Variants in ZZEF1 observed in about 807,000 individuals in gnomAD.
ZZEF1 encodes zinc finger ZZ-type and EF-hand domain-containing protein 1.
In ZZEF1, 157 loss-of-function variants were observed where a neutral mutation model predicts 342.8. The ratio of observed to expected loss-of-function variants is 0.46; its 90% CI spans 0.40 to 0.52. The LOEUF is 0.52. ZZEF1 is among the 20% of genes least tolerant of loss of function. The pLI is 0.00. For synonymous variants in ZZEF1, 1,505 were observed against 1,429.1 expected, an observed-to-expected ratio of 1.05 and a Z score of -1.20; for missense variants, 3,480 against 3,725.6, an observed-to-expected ratio of 0.93 and a Z score of 1.72.
At chr17:4,012,699 A>T (rs1165795577) in intron 52 of ZZEF1, among the ~76,000 whole-genome samples, 1 of 152,266 alleles carries the variant, frequency 6.6e-6, no homozygotes, top group African/African-American at 2.4e-5. Context: ...ATTGAGAGGA[A>T]GAAATAACAT....
Position 4,064,439 on chromosome 17 carries a change from A to T in ZZEF1, c.4640T>A (p.Val1547Glu). ...SFRSMEEARL[V>E]PTVKEKYPVL... ...AGGGTATTTCTCTTTCACTGTGGGC[A>T]CCAGTCTGGCCTCCTCCATGGATCG... Residue 1547 changes from valine (V) to glutamate (E), a missense_variant, in exon 29 of 55, where the codon GTG becomes GAG. Transcript: ENST00000381638. 2 of 1,614,114 alleles carry T rather than the reference A, an allele frequency of 1.2e-6. No individual in the cohort carries two copies. The highest frequency in any genetic ancestry group is 1.7e-6 in the Non-Finnish European group (2 of 1,179,978).
chr17:4,008,685 T>C lies in ZZEF1; in HGVS notation c.8805+198A>G. 7.5e-7 allele frequency: 1 copy of C among 1,340,578 alleles called. No homozygotes were observed. Among genetic ancestry groups the C allele is most frequent in the Non-Finnish European group, 9.6e-7 (1 of 1,046,132 alleles). 83.0% of individuals were successfully genotyped at this position (1,340,578 alleles called of 1,614,324 possible). ...ATTCTTCTGACCCCACAGTTTAGAGTGAATGACTCTGATAAATGGGGCTCG... is the reference window on the plus strand; with the variant it reads ...ATTCTTCTGACCCCACAGTTTAGAGCGAATGACTCTGATAAATGGGGCTCG... On this transcript the variant is annotated intron_variant, in intron 54 of 54. Transcript: ENST00000381638. The surrounding 1 kb of genome is among the most constrained non-coding windows in gnomAD (Gnocchi z 4.2).
chr17:4,139,698 T>G (rs1368874566), intron 1 of ZZEF1, among the ~76,000 whole-genome samples: 1 of 152,224 alleles, frequency 6.6e-6, no homozygotes, highest in African/African-American at 2.4e-5. Flanking sequence ...AAGATTATCA[T>G]GAGAGACGGT....
chr17:4,070,944 CCATCA>C lies in ZZEF1; in HGVS notation c.3835-25_3835-21del. 6.2e-7 allele frequency: 1 copy of C among 1,605,826 alleles called. No individual in the cohort carries two copies. Reference sequence around the variant, plus strand: ...CTTAACCTGGAAACAAAAAATAAACCCATCACATTTAACACATTCATTCAAAAAAT... The same window carrying C: ...CTTAACCTGGAAACAAAAAATAAACCCATTTAACACATTCATTCAAAAAAT... On this transcript the variant is annotated intron_variant, in intron 25 of 54. Transcript: ENST00000381638.
Position 4,056,345 on chromosome 17 carries a change from G to A in ZZEF1, c.5166C>T (p.Ser1722=). 6.3e-7 allele frequency: 1 copy of A among 1,585,980 alleles called. No homozygotes were observed. Among genetic ancestry groups the A allele is most frequent in the Non-Finnish European group, 8.6e-7 (1 of 1,166,380 alleles). ...CAAGCTCATCTTCTTCACTCCATTG[G>A]CTGAAAGAAGGACATAAAGAGAGAA... ...ENISVHDSVI[S]QWSEEDELAD... is the part of the protein sequence containing the mutation. The change falls in exon 33 of 55, where the codon AGC becomes AGT. Residue 1722 remains serine, a splice_region_variant and synonymous_variant. Coordinates refer to ENST00000381638, the MANE Select transcript of ZZEF1 (RefSeq NM_015113.4).
intron 43 of ZZEF1, among the ~76,000 whole-genome samples, chr17:4,023,672 A>G (rs2056328910): frequency 6.6e-6 from 1 of 151,470 alleles, no homozygotes; most frequent in Non-Finnish European, 1.5e-5. Context: ...AAAAAAAAAA[A>G]AAAAAATTAA....
rs758199610 is a variant in ZZEF1 at position 4,032,931 on chromosome 17, C to T, written c.6656G>A (p.Arg2219His). The change falls in exon 41 of 55, where the codon CGT becomes CAT. Residue 2219 changes from arginine (R) to histidine (H), a missense_variant. Transcript: ENST00000381638. ...LRSLNSAPLWRDVIATFTDHC... is the reference protein window; with the variant it reads ...LRSLNSAPLWHDVIATFTDHC... ...GTCTGTGAAGGTGGCAATGACATCA[C>T]GCCACAGTGGGGCACTGTTGAGTGA... 2.6e-5 allele frequency: 42 copies of T among 1,612,720 alleles called. No individual in the cohort carries two copies. In the South Asian group the frequency reaches 3.7e-4, roughly 14 times the overall value.
rs962371059 is a variant in ZZEF1, at chr17:4,143,013, T to C, written c.-118A>G. 3 of 1,268,030 alleles carry C rather than the reference T, an allele frequency of 2.4e-6. No homozygotes were observed. Among genetic ancestry groups the C allele is most frequent in the Non-Finnish European group, 3.0e-6 (3 of 1,011,544 alleles). The allele number at this position is 1,268,030 out of a possible 1,614,324, so 78.5% of individuals were successfully genotyped here. ...ACGCGGAGGAGACGACGGCGGCCCC[T>C]GCGGCTTCCGGCTTCCTGGCCGTCA... On this transcript the variant is annotated 5_prime_UTR_variant, in exon 1 of 55. Coordinates refer to ENST00000381638, the MANE Select transcript of ZZEF1 (RefSeq NM_015113.4).
chr17:4,037,371 T>C lies in ZZEF1; in HGVS notation c.6307-3079A>G, dbSNP rs372880516. On this transcript the variant is annotated intron_variant, in intron 39 of 54. Coordinates refer to ENST00000381638, the MANE Select transcript of ZZEF1 (RefSeq NM_015113.4). ...GCTGCAATGAGAATGCAGCATCTCA[T>C]CTGTGATTTTCCTGCCCAAGAGGCA... 5.3e-5 allele frequency among the ~76,000 whole-genome samples: 8 copies of C among 152,286 alleles called. No homozygotes were observed. The East Asian group carries it at 7.7e-4, about 15-fold the overall frequency.
intron 51 of ZZEF1, 137 bp from the exon 52 acceptor site, chr17:4,013,751 A>G: frequency 9.6e-7 from 1 of 1,039,258 alleles, no homozygotes; most frequent in Non-Finnish European, 1.3e-6. Context: ...AACTGTGATC[A>G]TTTAAATTCT....
chr17:4,079,370 G>A (rs1597860457), intron 18 of ZZEF1, among the ~76,000 whole-genome samples: 1 of 152,192 alleles, frequency 6.6e-6, no homozygotes, highest in Non-Finnish European at 1.5e-5. Context: ...CTGAGAAACA[G>A]GTAGAATGTA....
In ZZEF1 at chr17:4,050,995, C is replaced by G. The variant is rs75155745; in HGVS notation, c.5649G>C (p.Arg1883=). 4.3e-6 allele frequency: 7 copies of G among 1,614,068 alleles called. No homozygotes were observed. Among genetic ancestry groups the G allele is most frequent in the African/African-American group, 1.3e-5 (1 of 74,910 alleles). Residue 1883 remains arginine (R), a synonymous_variant, in exon 36 of 55, where the codon CGG becomes CGC. Coordinates refer to ENST00000381638, the MANE Select transcript of ZZEF1 (RefSeq NM_015113.4). ...GGATGAGCCTCTGCCGGTCACTGAT[C>G]CGAATGGTTACCATTGGGTGGGCCG... The part of the protein sequence containing the change: ...SITAHPMVTI[R]ISDRQRLIQP...
intron 28 of ZZEF1, among the ~76,000 whole-genome samples, chr17:4,065,846 C>T (rs568270911): frequency 3.9e-5 from 6 of 152,160 alleles, no homozygotes; most frequent in African/African-American, 1.4e-4. Context: ...AAAATCATAA[C>T]AAGGCCAGGT....
rs749522511 is a variant in ZZEF1, at chr17:4,034,305, G to A, written c.6307-13C>T. 5 of 1,613,424 alleles carry A rather than the reference G, an allele frequency of 3.1e-6. No individual in the cohort carries two copies. The highest frequency in any genetic ancestry group is 3.3e-4 in the Middle Eastern group (2 of 6,078). On this transcript the variant is annotated splice_polypyrimidine_tract_variant and intron_variant, in intron 39 of 54. Transcript: ENST00000381638. ...GAACCGTGGGGCCCTGCCAAGAGAG[G>A]GAGAGAAATCTGTTCAGTACAAAAT...
intron 28 of ZZEF1, among the ~76,000 whole-genome samples, 163 bp from the exon 29 acceptor site, chr17:4,064,992 C>T (rs941601320): frequency 5.9e-5 from 9 of 151,898 alleles, no homozygotes; most frequent in South Asian, 4.2e-4. Context: ...CAAACCGGCA[C>T]GTTGTGCACA....
In ZZEF1 at chr17:4,016,493, A is replaced by T. The variant is rs761452589; in HGVS notation, c.8002-27T>A. ...TGGTGGGAAGCAGACAGATAAGGTC[A>T]GGGCCTGCAAGTGGCATCAGGAAGA... On this transcript the variant is annotated intron_variant, in intron 48 of 54. Transcript: ENST00000381638. The surrounding 1 kb of genome is among the most constrained non-coding windows in gnomAD (Gnocchi z 4.4). 1.3e-6 allele frequency: 2 copies of T among 1,583,078 alleles called. No homozygotes were observed. The highest frequency in any genetic ancestry group is 3.7e-5 in the Admixed American group (2 of 53,410).
chr17:4,103,451 G>A, intron 8 of ZZEF1, among the ~76,000 whole-genome samples: 1 of 152,116 alleles, frequency 6.6e-6, no homozygotes, highest in Non-Finnish European at 1.5e-5. Context: ...GGAGGCTGAG[G>A]CAAGAGGATC....
At chr17:4,054,797 A>T (rs1213800926) in intron 33 of ZZEF1, among the ~76,000 whole-genome samples, 1 of 152,198 alleles carries the variant, frequency 6.6e-6, no homozygotes, top group African/African-American at 2.4e-5. Flanking sequence ...TCAAAGGGGC[A>T]AGCCTGGACT....
At chr17:4,044,412 A>G (rs774423406) in intron 37 of ZZEF1, 38 bp from the exon 38 acceptor site, 2 of 1,574,458 alleles carry the variant, frequency 1.3e-6, no homozygotes, top group South Asian at 1.2e-5. Flanking sequence ...AAGGTTTCTT[A>G]TAACAAAGTT....
Sources: gnomAD v4.1 joint callset for allele counts (sites outside exome capture counted in the v4.1 genomes callset) on GRCh38, gnomAD v4.1.1 for gene constraint, Gnocchi (gnomAD v3.1) non-coding constraint, MANE v1.5 for transcripts, NCBI Gene and HGNC (gene_info 2026-07-23, HGNC 2026-07-21) for gene names.